Variants in DGKZ observed in about 807,000 individuals in gnomAD.
The protein encoded by DGKZ is diacylglycerol kinase zeta.
DGKZ carries 45 observed loss-of-function variants against 142.5 expected under a neutral mutation model. The observed-to-expected ratio is 0.32, with a 90% CI of 0.25 to 0.40. DGKZ has a LOEUF of 0.40. DGKZ is among the 10% of genes least tolerant of loss of function. The pLI, the probability that DGKZ is intolerant of heterozygous loss-of-function variation, is 1.00. For synonymous variants in DGKZ, 442 were observed against 527.0 expected (o/e 0.84, Z 2.21); for missense variants, 755 against 1,306.5 (o/e 0.58, Z 6.51).
chr11:46,341,555 A>T (rs1157771260), intron 1 of DGKZ, among the ~76,000 whole-genome samples: 3 of 152,262 alleles, frequency 2.0e-5, no homozygotes, highest in African/African-American at 7.2e-5. Context: ...GAACTGTCAG[A>T]TCTAGAGCAG....
intron 1 of DGKZ, chr11:46,366,415 C>T (rs747363687): frequency 2.0e-6 from 3 of 1,533,712 alleles, no homozygotes; most frequent in Non-Finnish European, 2.6e-6. Flanking sequence ...GCCGCTCCAG[C>T]GCCCAGCTCC....
In DGKZ at chr11:46,347,931, G is replaced by A; in HGVS notation, c.161+111G>A. 8.9e-6 allele frequency: 11 copies of A among 1,233,856 alleles called. No individual in the cohort carries two copies. The highest frequency in any genetic ancestry group is 1.1e-5 in the Non-Finnish European group (11 of 981,818). 76.4% of individuals were successfully genotyped at this position (1,233,856 alleles called of 1,614,324 possible). A position where few individuals can be genotyped will look rare whatever the true frequency, so the allele number is the denominator to read the frequency against. On this transcript the variant is annotated intron_variant, in intron 1 of 30. Transcript: ENST00000527911. The surrounding 1 kb of genome is among the most constrained non-coding windows in gnomAD (Gnocchi z 6.4). ...TCCGGGCCACTTCGGTACTGACACT[G>A]AGTCGGGGAGAGGCTGGCACCGGCG...
chr11:46,333,630 C>CG (rs1294299649), intron 1 of DGKZ: 2 of 778,238 alleles, frequency 2.6e-6, no homozygotes, highest in African/African-American at 3.7e-5. Flanking sequence ...TCTGTCTTTT[C>CG]GTGTACAGCG....
chr11:46,370,466 G>C (rs543479788), intron 6 of DGKZ, among the ~76,000 whole-genome samples: 29 of 152,350 alleles, frequency 1.9e-4, no homozygotes, highest in African/African-American at 5.3e-4. Context: ...GTAAGTGCAG[G>C]CTCTCAAAGA....
chr11:46,355,461 C>T (rs1161405698), intron 1 of DGKZ, among the ~76,000 whole-genome samples: 1 of 152,150 alleles, frequency 6.6e-6, no homozygotes, highest in African/African-American at 2.4e-5. Flanking sequence ...CAGGAACAAA[C>T]ACTTTCTCCT....
rs1439736910 is a variant in DGKZ at position 46,376,566 on chromosome 11, T to C, written c.2202+2T>C. 6.2e-7 allele frequency: 1 copy of C among 1,613,402 alleles called. No homozygotes were observed. The highest frequency in any genetic ancestry group is 8.5e-7 in the Non-Finnish European group (1 of 1,179,986). On this transcript the variant is annotated splice_donor_variant, in intron 24 of 30. Transcript: ENST00000527911. LOFTEE classifies it high-confidence loss of function. Reference sequence around the variant, plus strand: ...TTCTACAGGATCGACCGAGCCCAGGTGAGCGATTGCAGGCCTGCTCCAGCC... The same window carrying C: ...TTCTACAGGATCGACCGAGCCCAGGCGAGCGATTGCAGGCCTGCTCCAGCC...
intron 5 of DGKZ, 89 bp downstream of exon 5, chr11:46,369,639 T>C (rs1177569732): frequency 3.0e-5 from 45 of 1,513,756 alleles, no homozygotes; most frequent in Non-Finnish European, 3.9e-5. Context: ...ACCAGGGGGC[T>C]CGGCTCCCTC....
chr11:46,345,366 C>T, upstream of DGKZ: 1 of 1,399,258 alleles, frequency 7.1e-7, no homozygotes, highest in Non-Finnish European at 9.2e-7. This position sits in a 1 kb window ranked among gnomAD's most constrained non-coding sequence, Gnocchi z 4.1. Context: ...TCGACCCCAC[C>T]CCCGTCAGGA....
intron 4 of DGKZ, 23 bp from the exon 5 acceptor site, chr11:46,369,471 G>T (rs1209387581): frequency 6.2e-7 from 1 of 1,614,084 alleles, no homozygotes; most frequent in Non-Finnish European, 8.5e-7. Context: ...TGACATTTTG[G>T]TGGTCACTGC....
exon 8 of DGKZ, chr11:46,371,597 G>A: frequency 1.9e-6 from 3 of 1,610,588 alleles, no homozygotes; most frequent in Non-Finnish European, 1.7e-6. Context: ...GCGCCCGGAG[G>A]CCCCAGGTGA....
At chr11:46,356,791 A>T (rs186751788) in intron 1 of DGKZ, among the ~76,000 whole-genome samples, 2 of 152,316 alleles carry the variant, frequency 1.3e-5, no homozygotes, top group East Asian at 1.9e-4. Flanking sequence ...TTTGTCTCTC[A>T]GTTTCCTCAT....
chr11:46,350,007 G>C (rs1202381167), intron 1 of DGKZ, among the ~76,000 whole-genome samples: 1 of 152,204 alleles, frequency 6.6e-6, no homozygotes, highest in Non-Finnish European at 1.5e-5. Flanking sequence ...ACAGTAGTCC[G>C]TCACGCTGGG....
intron 1 of DGKZ, among the ~76,000 whole-genome samples, chr11:46,353,984 G>C (rs1466567695): frequency 6.6e-6 from 1 of 152,144 alleles, no homozygotes; most frequent in East Asian, 1.9e-4. Flanking sequence ...AGGCGGGGGC[G>C]GTTGTGAAAG....
At chr11:46,345,929 CTT>C (rs912114891), upstream of DGKZ, among the ~76,000 whole-genome samples, 1 of 152,154 alleles carries the variant, frequency 6.6e-6, no homozygotes, top group Non-Finnish European at 1.5e-5. This position sits in a 1 kb window ranked among gnomAD's most constrained non-coding sequence, Gnocchi z 4.1. Flanking sequence ...CCTCTGATCT[CTT>C]CTCTCAGAGC....
intron 1 of DGKZ, among the ~76,000 whole-genome samples, chr11:46,364,172 G>A (rs537566256): frequency 2.0e-5 from 3 of 152,340 alleles, no homozygotes; most frequent in South Asian, 2.1e-4. Context: ...TTTCTGGGAC[G>A]CAGGCTTTGC....
At chr11:46,355,165 G>C (rs974108859) in intron 1 of DGKZ, among the ~76,000 whole-genome samples, 9 of 152,272 alleles carry the variant, frequency 5.9e-5, no homozygotes, top group African/African-American at 2.2e-4. Flanking sequence ...CTAGAGTGCA[G>C]TGGTGCGATC....
At chr11:46,351,186 C>T (rs1977392998) in intron 1 of DGKZ, among the ~76,000 whole-genome samples, 1 of 152,132 alleles carries the variant, frequency 6.6e-6, no homozygotes, top group Non-Finnish European at 1.5e-5. Flanking sequence ...GTCTCAGCAG[C>T]CTGATCCTGG....
rs1433358174 is a variant in DGKZ, at chr11:46,375,952, G to C, written c.2011+1G>C. 6.2e-7 allele frequency: 1 copy of C among 1,610,446 alleles called. No individual in the cohort carries two copies. The highest frequency in any genetic ancestry group is 1.1e-5 in the South Asian group (1 of 90,768). ...GACAAGGAGCAGCTCAAGGAGGCCT[G>C]TGAGTGCGGTGGGGCGGCCTGGCAG... is the stretch of plus-strand genomic sequence containing the variant. On this transcript the variant is annotated splice_donor_variant, in intron 21 of 30. Coordinates refer to ENST00000527911, the Ensembl canonical transcript of DGKZ. LOFTEE classifies it high-confidence loss of function.
intron 1 of DGKZ, chr11:46,361,603 C>G (rs1942658556): frequency 1.0e-6 from 1 of 985,478 alleles, no homozygotes. Flanking sequence ...GCTGCTAGCT[C>G]TCCAAACTAG....
Sources: allele counts gnomAD v4.1 joint callset (sites outside exome capture counted in the v4.1 genomes callset), GRCh38; gene constraint gnomAD v4.1.1; non-coding constraint Gnocchi (gnomAD v3.1); transcripts MANE v1.5; gene names NCBI Gene and HGNC (gene_info 2026-07-23, HGNC 2026-07-21).